Variants in GRIK1 observed in about 807,000 individuals in gnomAD.
GRIK1 encodes glutamate receptor ionotropic, kainate 1.
A neutral mutation model predicts 105.7 loss-of-function variants in GRIK1; 69 were observed. That is an observed-to-expected ratio of 0.65 (90% CI 0.54 to 0.80). GRIK1 has a LOEUF of 0.80. Among genes scored for constraint, GRIK1 ranks in the 30% least tolerant of loss-of-function variants. The pLI, the probability that GRIK1 is intolerant of heterozygous loss-of-function variation, is 0.00. For synonymous variants in GRIK1, 438 were observed against 431.3 expected (o/e 1.02, Z -0.19); for missense variants, 1,109 against 1,167.3 (o/e 0.95, Z 0.73).
At chr21:29,613,324 A>G (rs1243344765) in intron 7 of GRIK1, among the ~76,000 whole-genome samples, 2 of 152,356 alleles carry the variant, frequency 1.3e-5, no homozygotes, top group Non-Finnish European at 2.9e-5. Context: ...TATGTCATCA[A>G]TAATATAGTG....
At chr21:29,934,741 G>T (rs1041206015) in intron 1 of GRIK1, among the ~76,000 whole-genome samples, 1 of 152,050 alleles carries the variant, frequency 6.6e-6, no homozygotes, top group Non-Finnish European at 1.5e-5. Context: ...CTGAACTTAC[G>T]CAAAGTCACT....
At chr21:29,580,396 C>G (rs1388729922) in intron 13 of GRIK1, among the ~76,000 whole-genome samples, 1 of 151,932 alleles carries the variant, frequency 6.6e-6, no homozygotes, top group Admixed American at 6.6e-5. Flanking sequence ...TTTAGCAGTG[C>G]CCACACAAAC....
At chr21:29,562,655 C>CAA (rs559992451) in intron 14 of GRIK1, among the ~76,000 whole-genome samples, 4 of 141,564 alleles carry the variant, frequency 2.8e-5, no homozygotes, top group Middle Eastern at 3.8e-3. Flanking sequence ...GACTCTGTCT[C>CAA]AAAAAAAAAA....
At chr21:29,904,202 C>T (rs2070519698) in intron 1 of GRIK1, among the ~76,000 whole-genome samples, 1 of 151,926 alleles carries the variant, frequency 6.6e-6, no homozygotes, top group African/African-American at 2.4e-5. Flanking sequence ...CGCAAACCAC[C>T]ATGGCATGTG....
chr21:29,811,687 G>C (rs1265976957), intron 1 of GRIK1, among the ~76,000 whole-genome samples: 1 of 152,084 alleles, frequency 6.6e-6, no homozygotes, highest in Non-Finnish European at 1.5e-5. Flanking sequence ...CAGGAATCTT[G>C]CTCATCCTCA....
chr21:29,901,246 G>A (rs1049097553), intron 1 of GRIK1, among the ~76,000 whole-genome samples: 21 of 152,142 alleles, frequency 1.4e-4, no homozygotes, highest in African/African-American at 4.8e-4. Flanking sequence ...AACTAGAGAA[G>A]CAAGAGCAAA....
chr21:29,798,519 A>G (rs1029075446), intron 1 of GRIK1, among the ~76,000 whole-genome samples: 2 of 152,230 alleles, frequency 1.3e-5, no homozygotes, highest in African/African-American at 2.4e-5. Flanking sequence ...TTGAATAAAT[A>G]TGAGAACTCC....
chr21:29,708,083 G>A (rs192561961), intron 1 of GRIK1, among the ~76,000 whole-genome samples: 1 of 152,160 alleles, frequency 6.6e-6, no homozygotes, highest in Non-Finnish European at 1.5e-5. Context: ...AGAAGTGAAG[G>A]CTGAGCAATT....
chr21:29,554,992 C>T (rs768642853), intron 16 of GRIK1, 60 bp downstream of exon 16: 6 of 1,420,008 alleles, frequency 4.2e-6, no homozygotes, highest in Non-Finnish European at 5.8e-6. Context: ...TAAAAACCCC[C>T]AAACTTAAGA....
intron 2 of GRIK1, among the ~76,000 whole-genome samples, chr21:29,693,298 A>G (rs1032805542): frequency 6.6e-6 from 1 of 152,236 alleles, no homozygotes; most frequent in Non-Finnish European, 1.5e-5. Context: ...TCCATGAGAG[A>G]AACCTTGCAG....
At chr21:29,812,848 G>A (rs939969932) in intron 1 of GRIK1, among the ~76,000 whole-genome samples, 1 of 152,050 alleles carries the variant, frequency 6.6e-6, no homozygotes, top group Non-Finnish European at 1.5e-5. Context: ...AGAAACCTGG[G>A]GCAATATTTC....
chr21:29,742,602 A>G lies in GRIK1; in HGVS notation c.119-48539T>C, dbSNP rs187258326. 9.6e-4 allele frequency among the ~76,000 whole-genome samples: 147 copies of G among 152,340 alleles called. 1 individual carries two copies. The highest frequency in any genetic ancestry group is 2.2e-3 in the Admixed American group (33 of 15,302). ...GTGGTTTCATGGATGAATTTCTTGT[A>G]CACATTTTATTTTTTGCCATGTGAT... On this transcript the variant is annotated intron_variant, in intron 1 of 17. Coordinates refer to ENST00000327783, the MANE Select transcript of GRIK1 (RefSeq NM_001330994.2).
intron 13 of GRIK1, among the ~76,000 whole-genome samples, chr21:29,578,298 T>A (rs1206354989): frequency 6.6e-6 from 1 of 152,158 alleles, no homozygotes; most frequent in Non-Finnish European, 1.5e-5. Flanking sequence ...GTACAGTAGG[T>A]CAGCTGTCTG....
chr21:29,919,335 T>C (rs935890491), intron 1 of GRIK1, among the ~76,000 whole-genome samples: 1 of 152,106 alleles, frequency 6.6e-6, no homozygotes, highest in Non-Finnish European at 1.5e-5. Flanking sequence ...AGAATATCCA[T>C]CATAGTCACT....
intron 7 of GRIK1, 118 bp from the exon 8 acceptor site, chr21:29,599,055 T>C: frequency 1.7e-6 from 1 of 587,834 alleles, no homozygotes; most frequent in South Asian, 2.3e-5. Context: ...TTCATCATGC[T>C]GTTATAAACC....
At chr21:29,575,254 A>G (rs1247720729) in intron 14 of GRIK1, among the ~76,000 whole-genome samples, 1 of 151,936 alleles carries the variant, frequency 6.6e-6, no homozygotes, top group Non-Finnish European at 1.5e-5. Context: ...TTTGTTTCTA[A>G]GCTGGTATTT....
chr21:29,846,645 C>CT (rs2068134658), intron 1 of GRIK1, among the ~76,000 whole-genome samples: 1 of 152,140 alleles, frequency 6.6e-6, no homozygotes, highest in Admixed American at 6.5e-5. Context: ...CATAGCAGGA[C>CT]TTTGCAGTAT....
At chr21:29,636,922 C>T (rs983462529) in intron 7 of GRIK1, among the ~76,000 whole-genome samples, 1 of 152,066 alleles carries the variant, frequency 6.6e-6, no homozygotes, top group Non-Finnish European at 1.5e-5. Flanking sequence ...ATATTTTTCA[C>T]TGCTTCCACA....
At chr21:29,788,889 G>A (rs989320501) in intron 1 of GRIK1, among the ~76,000 whole-genome samples, 1 of 152,166 alleles carries the variant, frequency 6.6e-6, no homozygotes, top group Non-Finnish European at 1.5e-5. Flanking sequence ...CAGAGCTCAG[G>A]TGGTAATGTG....
Sources: gnomAD v4.1 joint callset for allele counts (sites outside exome capture counted in the v4.1 genomes callset) on GRCh38, gnomAD v4.1.1 for gene constraint, MANE v1.5 for transcripts, NCBI Gene and HGNC (gene_info 2026-07-23, HGNC 2026-07-21) for gene names.